Variants in ANKS1B observed in about 807,000 individuals in gnomAD.
ANKS1B encodes the protein ankyrin repeat and sterile alpha motif domain-containing protein 1B.
ANKS1B carries 36 observed loss-of-function variants against 148.3 expected under a neutral mutation model. That is an observed-to-expected ratio of 0.24 (90% CI 0.19 to 0.32). ANKS1B has a LOEUF of 0.32. Ranked by LOEUF, ANKS1B falls within the 10% of genes least tolerant of loss-of-function variation. ANKS1B has a pLI of 1.00. For synonymous variants in ANKS1B, 542 were observed against 560.8 expected (o/e 0.97, Z 0.47); for missense variants, 1,157 against 1,542.6 (o/e 0.75, Z 4.19).
At chr12:99,463,159 G>T (rs1017050717) in intron 10 of ANKS1B, among the ~76,000 whole-genome samples, 1 of 152,194 alleles carries the variant, frequency 6.6e-6, no homozygotes, top group African/African-American at 2.4e-5. Flanking sequence ...CTTCACAAAA[G>T]AAAAGTACAA....
At chr12:99,187,489 T>C (rs1011713577) in intron 14 of ANKS1B, among the ~76,000 whole-genome samples, 7 of 152,200 alleles carry the variant, frequency 4.6e-5, no homozygotes, top group African/African-American at 1.7e-4. Flanking sequence ...TAACAACGTA[T>C]CTGTCTGCAG....
At chr12:99,834,569 A>G (rs1263938646) in intron 1 of ANKS1B, among the ~76,000 whole-genome samples, 1 of 152,206 alleles carries the variant, frequency 6.6e-6, no homozygotes, top group Non-Finnish European at 1.5e-5. Flanking sequence ...TAACCAGGAC[A>G]TTCATTAGTC....
intron 9 of ANKS1B, among the ~76,000 whole-genome samples, chr12:99,553,247 A>T (rs2097240884): frequency 6.6e-6 from 1 of 152,236 alleles, no homozygotes; most frequent in African/African-American, 2.4e-5. Flanking sequence ...TCTAGAATTT[A>T]GAAGTTCTTT....
intron 12 of ANKS1B, among the ~76,000 whole-genome samples, chr12:99,332,949 C>A (rs899059442): frequency 1.3e-5 from 2 of 151,692 alleles, no homozygotes; most frequent in African/African-American, 4.8e-5. Flanking sequence ...ATTTAGGGGG[C>A]TGTATTGTAG....
chr12:99,498,471 C>T (rs1300987968), intron 10 of ANKS1B, among the ~76,000 whole-genome samples: 1 of 152,154 alleles, frequency 6.6e-6, no homozygotes, highest in East Asian at 1.9e-4. Flanking sequence ...TATCTAACTC[C>T]TCCTTCTTTG....
At chr12:98,891,729 T>C (rs2099753137) in intron 17 of ANKS1B, among the ~76,000 whole-genome samples, 2 of 151,912 alleles carry the variant, frequency 1.3e-5, no homozygotes, top group Admixed American at 1.3e-4. Flanking sequence ...TTTCACTCAA[T>C]GCATATTCAC....
chr12:99,798,440 AAAAC>A (rs1418882407), intron 4 of ANKS1B, among the ~76,000 whole-genome samples: 16 of 143,380 alleles, frequency 1.1e-4, no homozygotes, highest in African/African-American at 4.3e-4. Context: ...AAAAAAAAAA[AAAAC>A]AAAAGATAAC....
intron 1 of ANKS1B, among the ~76,000 whole-genome samples, chr12:99,953,576 T>G (rs915179451): frequency 6.7e-6 from 1 of 150,014 alleles, no homozygotes; most frequent in Non-Finnish European, 1.5e-5. Context: ...TTGTGTTTTT[T>G]TGGTTTGTTG....
chr12:98,774,231 T>C (rs750567612), intron 24 of ANKS1B, among the ~76,000 whole-genome samples: 3 of 152,240 alleles, frequency 2.0e-5, no homozygotes, highest in Non-Finnish European at 2.9e-5. Flanking sequence ...AAGTGCCTTA[T>C]GCAGAGCAGG....
chr12:99,713,727 T>C (rs1440863279), intron 8 of ANKS1B, among the ~76,000 whole-genome samples: 1 of 152,202 alleles, frequency 6.6e-6, no homozygotes, highest in African/African-American at 2.4e-5. Context: ...TTCTCTATTA[T>C]GTTCCTCACT....
chr12:99,345,351 A>C (rs928720175), intron 12 of ANKS1B, among the ~76,000 whole-genome samples: 7 of 152,054 alleles, frequency 4.6e-5, no homozygotes, highest in African/African-American at 1.7e-4. Context: ...AGGCATGGTC[A>C]TATCAATTCA....
At chr12:99,657,236 C>T (rs890862135) in intron 8 of ANKS1B, among the ~76,000 whole-genome samples, 5 of 152,016 alleles carry the variant, frequency 3.3e-5, no homozygotes, top group Admixed American at 2.6e-4. Flanking sequence ...CAAGTAAAAC[C>T]CAAGGTCACG....
At chr12:99,383,377 A>C (rs1732680150) in intron 12 of ANKS1B, among the ~76,000 whole-genome samples, 1 of 152,212 alleles carries the variant, frequency 6.6e-6, no homozygotes, top group African/African-American at 2.4e-5. Flanking sequence ...GTAGAATAAA[A>C]TCCAGACTCT....
chr12:99,501,355 C>T (rs1202858003), intron 10 of ANKS1B, among the ~76,000 whole-genome samples: 1 of 152,060 alleles, frequency 6.6e-6, no homozygotes, highest in East Asian at 1.9e-4. Context: ...TTATTTGGGG[C>T]CCTGGAGGAG....
chr12:99,002,060 C>G (rs1420327869), intron 17 of ANKS1B, among the ~76,000 whole-genome samples: 1 of 152,140 alleles, frequency 6.6e-6, no homozygotes, highest in Non-Finnish European at 1.5e-5. Flanking sequence ...GTGATGGACA[C>G]TTAGGTTGTT....
intron 9 of ANKS1B, among the ~76,000 whole-genome samples, chr12:99,573,959 G>A (rs1017568470): frequency 6.6e-6 from 1 of 151,838 alleles, no homozygotes; most frequent in African/African-American, 2.4e-5. Context: ...ACTTGTAAGA[G>A]ATATTCCAGT....
At chr12:99,432,399 A>T (rs2095390437) in intron 11 of ANKS1B, among the ~76,000 whole-genome samples, 1 of 152,158 alleles carries the variant, frequency 6.6e-6, no homozygotes, top group Admixed American at 6.6e-5. Flanking sequence ...GTACTTATTG[A>T]CAGCCAGTTG....
chr12:99,508,589 A>G (rs1333177949), intron 9 of ANKS1B, among the ~76,000 whole-genome samples: 2 of 151,774 alleles, frequency 1.3e-5, no homozygotes, highest in African/African-American at 4.8e-5. Flanking sequence ...CTTTTCAATG[A>G]CAATTATATG....
intron 23 of ANKS1B, 27 bp downstream of exon 23, chr12:98,782,099 T>A: frequency 1.3e-6 from 2 of 1,586,106 alleles, no homozygotes; most frequent in Non-Finnish European, 8.6e-7. Flanking sequence ...CTAGTAATAA[T>A]CACACTAAAC....
Sources: gnomAD v4.1 joint callset for allele counts (sites outside exome capture counted in the v4.1 genomes callset) on GRCh38, gnomAD v4.1.1 for gene constraint, MANE v1.5 for transcripts, NCBI Gene and HGNC (gene_info 2026-07-23, HGNC 2026-07-21) for gene names.